CD58: variants seen among roughly 807,000 people sequenced by gnomAD.
CD58 encodes CD58 molecule.
A neutral mutation model predicts 27.6 loss-of-function variants in CD58; 14 were observed. That is an observed-to-expected ratio of 0.51 (90% CI 0.34 to 0.79). CD58 has a LOEUF of 0.79. Among genes scored for constraint, CD58 ranks in the 30% least tolerant of loss-of-function variants. The probability of loss-of-function intolerance (pLI) is 0.02; values close to 1 mark genes in which losing one functional copy is unlikely to be tolerated. For synonymous variants in CD58, 117 were observed against 103.8 expected, an observed-to-expected ratio of 1.13 and a Z score of -0.77; for missense variants, 268 against 301.7, an observed-to-expected ratio of 0.89 and a Z score of 0.83.
intron 3 of CD58, among the ~76,000 whole-genome samples, chr1:116,535,120 C>A: frequency 6.6e-6 from 1 of 152,056 alleles, no homozygotes. Context: ...GTAAATAATA[C>A]TAAAACAACA....
chr1:116,556,368 T>C (rs9660465), intron 1 of CD58, among the ~76,000 whole-genome samples: 1 of 151,834 alleles, frequency 6.6e-6, no homozygotes, highest in African/African-American at 2.4e-5. Context: ...CAATGTTAAG[T>C]AATGAAGCCA....
chr1:116,565,939 A>G (rs1405337136), intron 1 of CD58, among the ~76,000 whole-genome samples: 4 of 152,072 alleles, frequency 2.6e-5, no homozygotes, highest in East Asian at 1.9e-4. Context: ...GGATGGTCTC[A>G]ATCTCCTGAC....
At chr1:116,556,574 T>C (rs1658576162) in intron 1 of CD58, among the ~76,000 whole-genome samples, 1 of 152,142 alleles carries the variant, frequency 6.6e-6, no homozygotes, top group South Asian at 2.1e-4. Flanking sequence ...CCTCCAAACC[T>C]ACAGGTGAGG....
chr1:116,556,504 T>C (rs912280055), intron 1 of CD58, among the ~76,000 whole-genome samples: 7 of 152,130 alleles, frequency 4.6e-5, no homozygotes, highest in African/African-American at 1.7e-4. Flanking sequence ...GGATACAATC[T>C]ATAGACAGCA....
At chr1:116,551,023 A>G (rs1289807770) in intron 1 of CD58, among the ~76,000 whole-genome samples, 1 of 152,190 alleles carries the variant, frequency 6.6e-6, no homozygotes, top group Non-Finnish European at 1.5e-5. Flanking sequence ...CATGCTGTAA[A>G]CAGATGTGCT....
chr1:116,559,328 C>T lies in CD58; in HGVS notation c.70+11575G>A, dbSNP rs562891813. ...AGAGAAGGTCAAAGATTCCGAAGCA[C>T]CAGGCTACAGATGAAGAAATGGACT... On this transcript the variant is annotated intron_variant, in intron 1 of 5. Transcript: ENST00000369489. This position sits in a 1 kb window ranked among gnomAD's most constrained non-coding sequence, Gnocchi z 4.4. 1.3e-5 allele frequency among the ~76,000 whole-genome samples: 2 copies of T among 152,160 alleles called. No homozygotes were observed. Among genetic ancestry groups the T allele is most frequent in the Non-Finnish European group, 2.9e-5 (2 of 68,028 alleles).
At chr1:116,544,272 AT>A in intron 2 of CD58, 38 bp downstream of exon 2, 2 of 1,450,678 alleles carry the variant, frequency 1.4e-6, no homozygotes, top group Non-Finnish European at 1.9e-6. Flanking sequence ...AAAAATGGAA[AT>A]TTGCCATTTT....
chr1:116,545,189 G>A (rs975532865), intron 1 of CD58, among the ~76,000 whole-genome samples: 3 of 152,148 alleles, frequency 2.0e-5, no homozygotes, highest in Admixed American at 2.0e-4. Flanking sequence ...TGGCTGGTGG[G>A]GAACAAGACA....
rs1319683928 is a variant in CD58 at position 116,528,599 on chromosome 1, A to C, written c.629-6616T>G. On this transcript the variant is annotated intron_variant, in intron 3 of 5. Coordinates refer to ENST00000369489, the MANE Select transcript of CD58 (RefSeq NM_001779.3). The surrounding 1 kb of genome is among the most constrained non-coding windows in gnomAD (Gnocchi z 4.4). ...ATATCCTCTTGCCTACCCCTTCAAA[A>C]AATGTGCCCTTTCCCTAGGCTCCCA... Among the ~76,000 whole-genome samples, 1 of 152,174 alleles carries C rather than the reference A, an allele frequency of 6.6e-6. No individual in the cohort carries two copies. Among genetic ancestry groups the C allele is most frequent in the African/African-American group, 2.4e-5 (1 of 41,450 alleles).
At position 116,524,611 on chromosome 1, in the gene CD58, C is replaced by T. The variant is rs1403557543; in HGVS notation, c.629-2628G>A. On this transcript the variant is annotated intron_variant, in intron 3 of 5. Coordinates refer to ENST00000369489, the MANE Select transcript of CD58 (RefSeq NM_001779.3). This position sits in a 1 kb window ranked among gnomAD's most constrained non-coding sequence, Gnocchi z 4.6. ...TTTACTTAACCTAATCAATTTACAG[C>T]TGAATCTCCTTTCTTTCATGCCAAA... is the stretch of plus-strand genomic sequence containing the variant. 6.6e-6 allele frequency among the ~76,000 whole-genome samples: 1 copy of T among 152,176 alleles called. No homozygotes were observed. The highest frequency in any genetic ancestry group is 6.5e-5 in the Admixed American group (1 of 15,288).
intron 1 of CD58, among the ~76,000 whole-genome samples, chr1:116,551,976 G>A (rs770867777): frequency 6.6e-6 from 1 of 152,096 alleles, no homozygotes; most frequent in Non-Finnish European, 1.5e-5. Context: ...CTGACCTCAG[G>A]TGATCCACCC....
In CD58 at chr1:116,533,667, T is replaced by A. The variant is rs941002149; in HGVS notation, c.628+2298A>T. On this transcript the variant is annotated intron_variant, in intron 3 of 5. Transcript: ENST00000369489. ...TTGCTGCTGCTTTTTCTGTTATGAC[T>A]ACTTTATTTTTCCTGTCTCCAGCCA... 4.4e-6 allele frequency: 3 copies of A among 683,366 alleles called. No individual in the cohort carries two copies. In the African/African-American group the frequency reaches 5.3e-5, roughly 12 times the overall value. The allele number at this position is 683,366 out of a possible 1,614,324, so 42.3% of individuals were successfully genotyped here.
At chr1:116,569,111 G>A (rs1659038007) in intron 1 of CD58, among the ~76,000 whole-genome samples, 2 of 152,364 alleles carry the variant, frequency 1.3e-5, no homozygotes, top group South Asian at 4.1e-4. Flanking sequence ...TGCAGTGGAA[G>A]GGAGAACACA....
intron 3 of CD58, among the ~76,000 whole-genome samples, chr1:116,525,947 G>C (rs1403376394): frequency 6.6e-6 from 1 of 152,134 alleles, no homozygotes; most frequent in Non-Finnish European, 1.5e-5. Context: ...CACCGCACCC[G>C]GCCCAGGAGT....
At position 116,527,632 on chromosome 1, in the gene CD58, ATTTTC is replaced by A. The variant is rs1368088080; in HGVS notation, c.629-5654_629-5650del. Among the ~76,000 whole-genome samples, 2 of 152,052 alleles carry A rather than the reference ATTTTC, an allele frequency of 1.3e-5. No individual in the cohort carries two copies. The highest frequency in any genetic ancestry group is 2.9e-5 in the Non-Finnish European group (2 of 68,002). ...ATGTTCATGAGAAATATTTGTCTTA[ATTTTC>A]TTTTCTTGTATTGTTCTTTGGTTTT... On this transcript the variant is annotated intron_variant, in intron 3 of 5. Transcript: ENST00000369489. This position sits in a 1 kb window ranked among gnomAD's most constrained non-coding sequence, Gnocchi z 4.4.
At chr1:116,560,891 G>C (rs1658729451) in intron 1 of CD58, among the ~76,000 whole-genome samples, 1 of 152,158 alleles carries the variant, frequency 6.6e-6, no homozygotes, top group African/African-American at 2.4e-5. Flanking sequence ...CTGCATCCTG[G>C]TTTCACTTAC....
intron 3 of CD58, among the ~76,000 whole-genome samples, chr1:116,525,468 C>A (rs527943219): frequency 6.6e-6 from 1 of 152,300 alleles, no homozygotes; most frequent in East Asian, 1.9e-4. Flanking sequence ...CAAGTTTTGA[C>A]AATTATTAAT....
chr1:116,524,357 G>A lies in CD58; in HGVS notation c.629-2374C>T, dbSNP rs1028874923. 6.6e-6 allele frequency among the ~76,000 whole-genome samples: 1 copy of A among 152,158 alleles called. No homozygotes were observed. The highest frequency in any genetic ancestry group is 1.5e-5 in the Non-Finnish European group (1 of 68,026). Reference sequence around the variant, plus strand: ...ACTGGTCACTCAAATCTGGGTCCAAGAACCAAGAAGCATGCAAATTGCTAC... The same window carrying A: ...ACTGGTCACTCAAATCTGGGTCCAAAAACCAAGAAGCATGCAAATTGCTAC... On this transcript the variant is annotated intron_variant, in intron 3 of 5. Coordinates refer to ENST00000369489, the MANE Select transcript of CD58 (RefSeq NM_001779.3). The surrounding 1 kb of genome is among the most constrained non-coding windows in gnomAD (Gnocchi z 4.6).
chr1:116,547,269 T>C (rs1004961177), intron 1 of CD58, among the ~76,000 whole-genome samples: 3 of 151,966 alleles, frequency 2.0e-5, no homozygotes, highest in African/African-American at 4.8e-5. Context: ...TTACTTCACT[T>C]AGAATAATGG....
Sources: gnomAD v4.1 joint callset for allele counts (sites outside exome capture counted in the v4.1 genomes callset) on GRCh38, gnomAD v4.1.1 for gene constraint, Gnocchi (gnomAD v3.1) non-coding constraint, MANE v1.5 for transcripts, NCBI Gene and HGNC (gene_info 2026-07-23, HGNC 2026-07-21) for gene names.